The following DGKD variants were observed in gnomAD, a reference collection of about 807,000 sequenced individuals.
DGKD encodes the protein diacylglycerol kinase delta.
In DGKD, 68 loss-of-function variants were observed where a neutral mutation model predicts 154.4. The observed-to-expected ratio is 0.44, with a 90% CI of 0.36 to 0.54. The LOEUF is 0.54. Ranked by LOEUF, DGKD falls within the 20% of genes least tolerant of loss-of-function variation. The pLI, the probability that DGKD is intolerant of heterozygous loss-of-function variation, is 0.00. For missense variants in DGKD, 1,343 were observed against 1,593.6 expected (o/e 0.84, Z 2.68); for synonymous variants, 693 against 638.0 (o/e 1.09, Z -1.30).
Position 233,458,234 on chromosome 2 carries a change from G to C in DGKD, c.2581-50G>C. On this transcript the variant is annotated intron_variant, in intron 21 of 29. Transcript: ENST00000264057. This position sits in a 1 kb window ranked among gnomAD's most constrained non-coding sequence, Gnocchi z 6.6. ...GAGGGAGTGAGGGTAGGGGCGGCCT[G>C]TGCTCGGGGATGTGTGGAGTGGTGG... 7.6e-7 allele frequency: 1 copy of C among 1,324,454 alleles called. No individual in the cohort carries two copies. Among genetic ancestry groups the C allele is most frequent in the Non-Finnish European group, 1.1e-6 (1 of 926,248 alleles). 82.0% of individuals were successfully genotyped at this position (1,324,454 alleles called of 1,614,324 possible). A position where few individuals can be genotyped will look rare whatever the true frequency, so the allele number is the denominator to read the frequency against.
At position 233,467,218 on chromosome 2, in the gene DGKD, C is replaced by T. The variant is rs2063850714; in HGVS notation, c.3424+15C>T. The T allele has an allele frequency of 6.3e-7, 1 of 1,577,676 alleles. No homozygotes were observed. Among genetic ancestry groups the T allele is most frequent in the African/African-American group, 1.3e-5 (1 of 74,282 alleles). ...GGGAGCCCCGGGTACCTGCCTCTCT[C>T]CCGCGTGTGTTTCTGGCCGTCCACG... is the stretch of plus-strand genomic sequence containing the variant. On this transcript the variant is annotated intron_variant, in intron 28 of 29. Transcript: ENST00000264057.
At chr2:233,364,392 G>T (rs1184287231) in intron 1 of DGKD, among the ~76,000 whole-genome samples, 1 of 152,194 alleles carries the variant, frequency 6.6e-6, no homozygotes, top group South Asian at 2.1e-4. Flanking sequence ...AGACTTAAGG[G>T]TTTCTACGTG....
Position 233,437,410 on chromosome 2 carries a change from A to G in DGKD, c.853A>G (p.Lys285Glu). ...ATCGTGTAAAGAATCCTTGCTGACC[A>G]AGTGCCCACTTGGCCTGTGCAAAGT... ...HTSCKESLLTKCPLGLCKVSV... is the reference protein window; with the variant it reads ...HTSCKESLLTECPLGLCKVSV... Residue 285 changes from lysine (K) to glutamate (E), a missense_variant, in exon 8 of 30, where the codon AAG (lysine) becomes GAG (glutamate). Coordinates refer to ENST00000264057, the MANE Select transcript of DGKD (RefSeq NM_152879.3). The G allele has an allele frequency of 1.2e-6, 2 of 1,614,234 alleles. No homozygotes were observed. The highest frequency in any genetic ancestry group is 1.7e-6 in the Non-Finnish European group (2 of 1,180,036).
chr2:233,385,976 A>G (rs1703151626), intron 1 of DGKD: 1 of 470,846 alleles, frequency 2.1e-6, no homozygotes, highest in Admixed American at 2.4e-5. Flanking sequence ...ATCCGCCCTC[A>G]GAAAGATTGT....
intron 2 of DGKD, 118 bp downstream of exon 2, chr2:233,388,485 C>A: frequency 2.0e-6 from 2 of 978,968 alleles, no homozygotes; most frequent in Non-Finnish European, 3.0e-6. Context: ...CTGTTATTGC[C>A]AGTGAGTTTT....
chr2:233,407,369 A>T (rs1310533897), intron 3 of DGKD, among the ~76,000 whole-genome samples: 3 of 152,276 alleles, frequency 2.0e-5, no homozygotes, highest in Admixed American at 1.3e-4. Context: ...AAACAGGAAA[A>T]ATAAAAGTTA....
intron 3 of DGKD, among the ~76,000 whole-genome samples, chr2:233,433,829 T>C (rs2062607399): frequency 6.6e-6 from 1 of 152,236 alleles, no homozygotes; most frequent in African/African-American, 2.4e-5. Context: ...CTTTATATAT[T>C]ATGGATATCA....
At chr2:233,355,543 G>A (rs1701500486) in intron 1 of DGKD, among the ~76,000 whole-genome samples, 1 of 152,178 alleles carries the variant, frequency 6.6e-6, no homozygotes, top group South Asian at 2.1e-4. Context: ...GCTGCAGTGC[G>A]CTTTTCCTCC....
At chr2:233,439,243 G>A (rs1016178986) in intron 9 of DGKD, among the ~76,000 whole-genome samples, 1 of 152,206 alleles carries the variant, frequency 6.6e-6, no homozygotes, top group Non-Finnish European at 1.5e-5. Context: ...GGTCTGGCCT[G>A]TATTTCTCTG....
intron 3 of DGKD, among the ~76,000 whole-genome samples, chr2:233,433,380 TAAAA>T (rs995048570): frequency 7.1e-6 from 1 of 140,858 alleles, no homozygotes; most frequent in African/African-American, 2.6e-5. Flanking sequence ...TGGGAGCTAA[TAAAA>T]AAAAAAAGAA....
chr2:233,362,865 T>C (rs946851587), intron 1 of DGKD, among the ~76,000 whole-genome samples: 2 of 152,174 alleles, frequency 1.3e-5, no homozygotes, highest in African/African-American at 4.8e-5. Flanking sequence ...AAAATTCCAA[T>C]TGTCTAGTGA....
At position 233,428,695 on chromosome 2, in the gene DGKD, A is replaced by T. The variant is rs905883192; in HGVS notation, c.349-5685A>T. 2.6e-5 allele frequency among the ~76,000 whole-genome samples: 4 copies of T among 152,172 alleles called. No individual in the cohort carries two copies. In the South Asian group the frequency reaches 8.3e-4, roughly 32 times the overall value. ...AGGGAATGTGCCAGGCCCTGTGCAC[A>T]TTTGGTCCTGTTCAGTCCCACCACA... On this transcript the variant is annotated intron_variant, in intron 3 of 29. Coordinates refer to ENST00000264057, the MANE Select transcript of DGKD (RefSeq NM_152879.3).
chr2:233,414,461 G>T (rs2061906836), intron 3 of DGKD, among the ~76,000 whole-genome samples: 1 of 152,210 alleles, frequency 6.6e-6, no homozygotes, highest in South Asian at 2.1e-4. Context: ...ACACAGCTCT[G>T]CCAGACCACA....
At chr2:233,381,063 A>G (rs137970743) in intron 1 of DGKD, among the ~76,000 whole-genome samples, 16 of 152,086 alleles carry the variant, frequency 1.1e-4, no homozygotes, top group Admixed American at 5.2e-4. Flanking sequence ...CAGAAAACCT[A>G]TGTTGGGTTC....
chr2:233,468,596 C>T, intron 29 of DGKD, 43 bp downstream of exon 29: 1 of 1,609,724 alleles, frequency 6.2e-7, no homozygotes, highest in Non-Finnish European at 8.5e-7. Context: ...CTTGGGCTTG[C>T]ACGCAGCTCC....
At chr2:233,419,356 C>G in intron 3 of DGKD, 2 of 985,412 alleles carry the variant, frequency 2.0e-6, no homozygotes, top group Non-Finnish European at 2.4e-6. Flanking sequence ...TTTGTTTGTG[C>G]TGGGTCACTT....
intron 3 of DGKD, among the ~76,000 whole-genome samples, chr2:233,419,085 G>A (rs1415089915): frequency 6.6e-6 from 1 of 152,120 alleles, no homozygotes; most frequent in African/African-American, 2.4e-5. Context: ...GGGCAGCATC[G>A]GAACAGCAGG....
At chr2:233,391,491 G>C (rs1053919449) in intron 3 of DGKD, among the ~76,000 whole-genome samples, 2 of 152,036 alleles carry the variant, frequency 1.3e-5, no homozygotes, top group Non-Finnish European at 2.9e-5. Context: ...AATGGCTATA[G>C]TAGCATTTTC....
intron 1 of DGKD, among the ~76,000 whole-genome samples, chr2:233,367,311 C>T (rs1702076730): frequency 6.6e-6 from 1 of 151,898 alleles, no homozygotes; most frequent in South Asian, 2.1e-4. Context: ...TCACTGCAAC[C>T]TCCGCCTCCC....
Sources: gnomAD v4.1 joint callset for allele counts (sites outside exome capture counted in the v4.1 genomes callset) on GRCh38, gnomAD v4.1.1 for gene constraint, Gnocchi (gnomAD v3.1) non-coding constraint, MANE v1.5 for transcripts, NCBI Gene and HGNC (gene_info 2026-07-23, HGNC 2026-07-21) for gene names.